XIRP1: variants seen among roughly 807,000 people sequenced by gnomAD.
XIRP1 encodes xin actin binding repeat containing 1.
For synonymous variants in XIRP1, 984 were observed against 947.0 expected (o/e 1.04, Z -0.72); for missense variants, 2,378 against 2,345.4 (o/e 1.01, Z -0.29).
intron 1 of XIRP1, among the ~76,000 whole-genome samples, chr3:39,191,993 A>C (rs560791797): frequency 6.6e-6 from 1 of 152,084 alleles, no homozygotes; most frequent in Non-Finnish European, 1.5e-5. Context: ...CATCCACAAC[A>C]ACTAGGCATG....
Position 39,184,588 on chromosome 3 carries a change from C to CA in XIRP1, c.4857dup (p.Glu1620Ter), listed in dbSNP as rs1458618307. 1.2e-6 allele frequency: 2 copies of CA among 1,613,754 alleles called. No homozygotes were observed. Among genetic ancestry groups the CA allele is most frequent in the Non-Finnish European group, 1.7e-6 (2 of 1,179,914 alleles). On this transcript the variant is annotated frameshift_variant, in exon 2 of 2. Coordinates refer to ENST00000340369, the MANE Select transcript of XIRP1 (RefSeq NM_194293.4). LOFTEE classifies it low-confidence loss of function (END_TRUNC). ...CTGATCTTGACTTGACTCTGGGCCT[C>CA]AGTGTGGCATTCAACCTTGGCTTGG...
At position 39,186,272 on chromosome 3, in the gene XIRP1, C is replaced by A; in HGVS notation, c.3174G>T (p.Leu1058=). ...TCTGGGCTTCAGCTGTTGCCATCCG[C>A]AGACTCTGCATGGCGGCCAGGAGGT... ...APDLLAAMQS[L]RMATAEAQSL... is the part of the protein sequence containing the mutation. The change falls in exon 2 of 2, where the codon CTG becomes CTT. Residue 1058 remains leucine, a synonymous_variant. Coordinates refer to ENST00000340369, the MANE Select transcript of XIRP1 (RefSeq NM_194293.4). 1 of 1,613,614 alleles carries A rather than the reference C, an allele frequency of 6.2e-7. No homozygotes were observed. The highest frequency in any genetic ancestry group is 8.5e-7 in the Non-Finnish European group (1 of 1,179,860).
At position 39,187,301 on chromosome 3, in the gene XIRP1, T is replaced by C; in HGVS notation, c.2145A>G (p.Val715=). Residue 715 remains valine (V), a synonymous_variant, in exon 2 of 2, where the codon GTA becomes GTG. Coordinates refer to ENST00000340369, the MANE Select transcript of XIRP1 (RefSeq NM_194293.4). ...AGKKEEQEPR[V]IAGSIPAGSV... is the part of the protein sequence containing the mutation. ...AACCCGCGGGGATGGACCCAGCGAT[T>C]ACCCGGGGCTCCTGTTCTTCCTTCT... 1 of 1,588,852 alleles carries C rather than the reference T, an allele frequency of 6.3e-7. No homozygotes were observed. Among genetic ancestry groups the C allele is most frequent in the Non-Finnish European group, 8.6e-7 (1 of 1,166,908 alleles).
chr3:39,185,122 G>C lies in XIRP1; in HGVS notation c.4324C>G (p.Pro1442Ala). Residue 1442 changes from proline (P) to alanine (A), a missense_variant, in exon 2 of 2, where the codon CCC becomes GCC. By Grantham distance (27) the Pro-to-Ala change is conservative (BLOSUM62 -1). Coordinates refer to ENST00000340369, the MANE Select transcript of XIRP1 (RefSeq NM_194293.4). The part of the protein sequence containing the change: ...NHDPTSPQWG[P>A]GPSGEQPMEG... The stretch of plus-strand genomic sequence containing the variant: ...ATGGGCTGCTCTCCTGAGGGGCCGG[G>C]GCCCCACTGTGGTGAGGTGGGATCA... 2 of 1,565,498 alleles carry C rather than the reference G, an allele frequency of 1.3e-6. No individual in the cohort carries two copies. Among genetic ancestry groups the C allele is most frequent in the Non-Finnish European group, 1.7e-6 (2 of 1,157,408 alleles).
chr3:39,185,743 T>C lies in XIRP1; in HGVS notation c.3703A>G (p.Ile1235Val). The change falls in exon 2 of 2, where the codon ATT (isoleucine) becomes GTT (valine). Residue 1235 changes from isoleucine to valine, a missense_variant. Ile to Val is a conservative substitution (Grantham distance 29). Coordinates refer to ENST00000340369, the MANE Select transcript of XIRP1 (RefSeq NM_194293.4). Reference protein sequence around the residue: ...TLKTAPLGRHILASGPQAAGA... With the variant: ...TLKTAPLGRHVLASGPQAAGA... ...GCAGCTTGGGGCCCAGAGGCCAGAA[T>C]GTGGCGGCCTAGAGGGGCAGTCTTC... The C allele has an allele frequency of 6.2e-7, 1 of 1,608,376 alleles. No homozygotes were observed. The highest frequency in any genetic ancestry group is 8.5e-7 in the Non-Finnish European group (1 of 1,176,784).
Position 39,185,809 on chromosome 3 carries a change from C to T in XIRP1, c.3637G>A (p.Glu1213Lys). 4 of 1,613,576 alleles carry T rather than the reference C, an allele frequency of 2.5e-6. No homozygotes were observed. The highest frequency in any genetic ancestry group is 3.4e-6 in the Non-Finnish European group (4 of 1,179,810). The part of the protein sequence containing the change: ...AWGPPGKAMA[E>K]VCPGGLQAAE... ...GCTTGGAGGCCCCCTGGGCAGACTT[C>T]TGCCATCGCCTTCCCTGGTGGCCCC... The change falls in exon 2 of 2, where the codon GAA (glutamate) becomes AAA (lysine). Residue 1213 changes from glutamate to lysine, a missense_variant. Physicochemically the swap from Glu to Lys is moderately conservative, Grantham distance 56. Coordinates refer to ENST00000340369, the MANE Select transcript of XIRP1 (RefSeq NM_194293.4).
rs765679647 is a variant in XIRP1 at position 39,184,380 on chromosome 3, T to C, written c.5066A>G (p.Lys1689Arg). The change falls in exon 2 of 2, where the codon AAG becomes AGG. Residue 1689 changes from lysine to arginine, a missense_variant. By Grantham distance (26) the Lys-to-Arg change is conservative. Coordinates refer to ENST00000340369, the MANE Select transcript of XIRP1 (RefSeq NM_194293.4). ...TRKPLETPSF[K>R]GNPDVSVKST... The stretch of plus-strand genomic sequence containing the variant: ...TTTCACTGAGACATCAGGGTTGCCC[T>C]TAAAGCTGGGAGTCTCTAGAGGCTT... 3 of 1,614,140 alleles carry C rather than the reference T, an allele frequency of 1.9e-6. No individual in the cohort carries two copies. Among genetic ancestry groups the C allele is most frequent in the East Asian group, 2.2e-5 (1 of 44,882 alleles).
Position 39,186,769 on chromosome 3 carries a change from T to C in XIRP1, c.2677A>G (p.Thr893Ala). The change falls in exon 2 of 2, where the codon ACT becomes GCT. Residue 893 changes from threonine to alanine, a missense_variant. Physicochemically the swap from Thr to Ala is moderately conservative, Grantham distance 58. Transcript: ENST00000340369. The stretch of plus-strand genomic sequence containing the variant: ...TCTGTCTCCTGCATCACCAGCCCAG[T>C]CCTTGCCACGGAGGTCCCAAGACCG... Reference protein sequence around the residue: ...ACGLGTSVARTGLVMQETEQG... With the variant: ...ACGLGTSVARAGLVMQETEQG... 6.2e-7 allele frequency: 1 copy of C among 1,614,016 alleles called. No individual in the cohort carries two copies. Among genetic ancestry groups the C allele is most frequent in the Non-Finnish European group, 8.5e-7 (1 of 1,180,024 alleles).
rs781602000 is a variant in XIRP1 at position 39,186,551 on chromosome 3, G to A, written c.2895C>T (p.His965=). 3 of 1,612,308 alleles carry A rather than the reference G, an allele frequency of 1.9e-6. No individual in the cohort carries two copies. Among genetic ancestry groups the A allele is most frequent in the Admixed American group, 1.7e-5 (1 of 59,964 alleles). ...GAACATGGATGATGCTCTCAGTTGG[G>A]TGCAGGCTCTGGGCCCCCTCGCTGG... The part of the protein sequence containing the change: ...VPASEGAQSL[H]PTESIIHVPP... The change falls in exon 2 of 2, where the codon CAC becomes CAT. Residue 965 remains histidine, a synonymous_variant. Coordinates refer to ENST00000340369, the MANE Select transcript of XIRP1 (RefSeq NM_194293.4).
chr3:39,184,138 C>T lies in XIRP1; in HGVS notation c.5308G>A (p.Glu1770Lys). 1 of 1,611,794 alleles carries T rather than the reference C, an allele frequency of 6.2e-7. No homozygotes were observed. ...QHYGAMRTVT[E>K]QYEEVDQFGN... ...AACTGGTCCACCTCCTCATACTGTT[C>T]AGTCACGGTTCTCATGGCTCCATAG... Residue 1770 changes from glutamate to lysine, a missense_variant, in exon 2 of 2, where the codon GAA (glutamate) becomes AAA (lysine). Coordinates refer to ENST00000340369, the MANE Select transcript of XIRP1 (RefSeq NM_194293.4).
chr3:39,188,628 AAGAGCCAGCGGGC>A lies in XIRP1; in HGVS notation c.805_817del (p.Ala269LeufsTer18). The A allele has an allele frequency of 6.2e-7, 1 of 1,613,580 alleles. No individual in the cohort carries two copies. ...GATGGCGTCCAGAGGCCGGGTCTCA[AAGAGCCAGCGGGC>A]AGACCTCACCGCGTTGCTTTGGATC... On this transcript the variant is annotated frameshift_variant, in exon 2 of 2. Coordinates refer to ENST00000340369, the MANE Select transcript of XIRP1 (RefSeq NM_194293.4). LOFTEE classifies it low-confidence loss of function (END_TRUNC).
Position 39,185,618 on chromosome 3 carries a change from A to AGGCTT in XIRP1, c.3827_3828insAAGCC (p.Glu1277SerfsTer13). 2.5e-6 allele frequency: 4 copies of AGGCTT among 1,612,274 alleles called. No individual in the cohort carries two copies. Among genetic ancestry groups the AGGCTT allele is most frequent in the Non-Finnish European group, 3.4e-6 (4 of 1,179,096 alleles). On this transcript the variant is annotated frameshift_variant, in exon 2 of 2. Transcript: ENST00000340369. LOFTEE classifies it low-confidence loss of function (END_TRUNC). ...CAGAGGCTTGCTGGATGGAGTCCTC[A>AGGCTT]GCACGGTGGGCTCCAGCTGGAAAGT...
Position 39,186,779 on chromosome 3 carries a change from G to A in XIRP1, c.2667C>T (p.Ser889=), listed in dbSNP as rs757631133. 12 of 1,613,994 alleles carry A rather than the reference G, an allele frequency of 7.4e-6. No individual in the cohort carries two copies. The Middle Eastern group carries it at 4.9e-4, about 67-fold the overall frequency. The change falls in exon 2 of 2, where the codon TCC becomes TCT. Residue 889 remains serine (S), a synonymous_variant. Coordinates refer to ENST00000340369, the MANE Select transcript of XIRP1 (RefSeq NM_194293.4). ...QQLLACGLGT[S]VARTGLVMQE... ...GCATCACCAGCCCAGTCCTTGCCAC[G>A]GAGGTCCCAAGACCGCAAGCCAGCA...
rs76384304 is a variant in XIRP1 at position 39,189,249 on chromosome 3, C to G, written c.197G>C (p.Arg66Pro). The G allele has an allele frequency of 1.2e-6, 2 of 1,613,934 alleles. No homozygotes were observed. The highest frequency in any genetic ancestry group is 2.2e-5 in the East Asian group (1 of 44,904). Residue 66 changes from arginine to proline, a missense_variant, in exon 2 of 2, where the codon CGC becomes CCC. Coordinates refer to ENST00000340369, the MANE Select transcript of XIRP1 (RefSeq NM_194293.4). Reference sequence around the variant, plus strand: ...GGCCACAGCCTCAGCCAGATTCTTGCGGAGCTCAGGGTGGATGTGCCTGTA... The same window carrying G: ...GGCCACAGCCTCAGCCAGATTCTTGGGGAGCTCAGGGTGGATGTGCCTGTA... ...RLYRHIHPEL[R>P]KNLAEAVAED... is the part of the protein sequence containing the mutation.
rs201476562 is a variant in XIRP1 at position 39,186,111 on chromosome 3, C to G, written c.3335G>C (p.Arg1112Pro). Residue 1112 changes from arginine (R) to proline (P), a missense_variant, in exon 2 of 2, where the codon CGG becomes CCG. Transcript: ENST00000340369. Reference protein sequence around the residue: ...NIRPGGGSDPRIPAAPRKVSR... With the variant: ...NIRPGGGSDPPIPAAPRKVSR... ...GACCTTTCTGGGGGCTGCTGGGATC[C>G]GGGGATCACTTCCACCCCCAGGCCT... 4 of 1,613,396 alleles carry G rather than the reference C, an allele frequency of 2.5e-6. No individual in the cohort carries two copies. In the African/African-American group the frequency reaches 4.0e-5, roughly 16 times the overall value.
chr3:39,190,946 C>T (rs1413628003), intron 1 of XIRP1, among the ~76,000 whole-genome samples: 4 of 152,174 alleles, frequency 2.6e-5, no homozygotes, highest in Non-Finnish European at 4.4e-5. Context: ...CCTGGGCTCC[C>T]CTATCCTGCC....
In XIRP1 at chr3:39,184,705, G is replaced by T. The variant is rs2039931317; in HGVS notation, c.4741C>A (p.His1581Asn). 6.2e-7 allele frequency: 1 copy of T among 1,614,132 alleles called. No individual in the cohort carries two copies. The highest frequency in any genetic ancestry group is 8.5e-7 in the Non-Finnish European group (1 of 1,180,062). ...GTGACACTGATCTTGTGGGCACTGT[G>T]GTCTTTTGGAGGTCCCTGGAAATGG... is the stretch of plus-strand genomic sequence containing the variant. ...RGHFQGPPKD[H>N]SAHKISVTVS... The change falls in exon 2 of 2, where the codon CAC (histidine) becomes AAC (asparagine). Residue 1581 changes from histidine (H) to asparagine (N), a missense_variant. Transcript: ENST00000340369.
intron 1 of XIRP1, among the ~76,000 whole-genome samples, chr3:39,189,778 A>T (rs1056399299): frequency 2.6e-5 from 4 of 152,170 alleles, no homozygotes; most frequent in Admixed American, 6.5e-5. Context: ...CTTTAGCTCC[A>T]TAAGGGACGC....
At chr3:39,190,881 G>A (rs528089483) in intron 1 of XIRP1, among the ~76,000 whole-genome samples, 19 of 152,292 alleles carry the variant, frequency 1.2e-4, no homozygotes, top group African/African-American at 4.3e-4. Context: ...GGGAGGCTGA[G>A]GCCCAGCCAG....
Sources: allele counts gnomAD v4.1 joint callset (sites outside exome capture counted in the v4.1 genomes callset), GRCh38; gene constraint gnomAD v4.1.1; transcripts MANE v1.5; gene names NCBI Gene and HGNC (gene_info 2026-07-23, HGNC 2026-07-21).